The following SDK1 variants were observed in gnomAD, a reference collection of about 807,000 sequenced individuals.
The protein encoded by SDK1 is protein sidekick-1.
Under a neutral mutation model 245.5 loss-of-function variants are expected in SDK1, and 157 were observed. That is an observed-to-expected ratio of 0.64 (90% CI 0.56 to 0.73). The LOEUF (loss-of-function observed/expected upper bound fraction) is 0.73. Among genes scored for constraint, SDK1 ranks in the 30% least tolerant of loss-of-function variants. SDK1 has a pLI of 0.00. For missense variants in SDK1, 3,583 were observed against 3,002.3 expected, an observed-to-expected ratio of 1.19 and a Z score of -4.52; for synonymous variants, 1,647 against 1,278.5, an observed-to-expected ratio of 1.29 and a Z score of -6.15.
chr7:4,146,773 T>G (rs1481314067), intron 29 of SDK1, among the ~76,000 whole-genome samples: 1 of 152,230 alleles, frequency 6.6e-6, no homozygotes, highest in Non-Finnish European at 1.5e-5. Flanking sequence ...CGGAGACAGG[T>G]GCTCCATGCA....
At chr7:4,225,574 C>T (rs762279367) in intron 40 of SDK1, among the ~76,000 whole-genome samples, 38 of 152,300 alleles carry the variant, frequency 2.5e-4, no homozygotes, top group Middle Eastern at 3.4e-3. Context: ...TATGCTGCTC[C>T]GCCGGCTGCA....
intron 5 of SDK1, among the ~76,000 whole-genome samples, chr7:3,910,097 A>G (rs1400819217): frequency 6.6e-6 from 1 of 152,200 alleles, no homozygotes; most frequent in Non-Finnish European, 1.5e-5. Flanking sequence ...GGGGAAAAAG[A>G]AAAAGTCCTG....
chr7:3,786,685 T>C (rs972449579), intron 4 of SDK1, among the ~76,000 whole-genome samples: 3 of 152,208 alleles, frequency 2.0e-5, no homozygotes, highest in Non-Finnish European at 4.4e-5. Context: ...GTACGTTCTC[T>C]GGTCTTTTTC....
chr7:3,959,426 G>A (rs907161763), intron 8 of SDK1, among the ~76,000 whole-genome samples: 1 of 152,162 alleles, frequency 6.6e-6, no homozygotes, highest in Non-Finnish European at 1.5e-5. Flanking sequence ...AGGGAGATGG[G>A]TGTACATGTA....
At chr7:3,966,715 T>C (rs1193066024) in intron 9 of SDK1, among the ~76,000 whole-genome samples, 1 of 152,120 alleles carries the variant, frequency 6.6e-6, no homozygotes, top group Non-Finnish European at 1.5e-5. Flanking sequence ...AGATAAGGTC[T>C]CACTCTGTCA....
chr7:3,942,836 C>T (rs1326543890), intron 5 of SDK1, among the ~76,000 whole-genome samples: 4 of 152,172 alleles, frequency 2.6e-5, no homozygotes, highest in African/African-American at 9.7e-5. Context: ...AGCCGCTTCT[C>T]GTTGGAAATG....
chr7:3,536,498 C>T (rs1036800519), intron 1 of SDK1, among the ~76,000 whole-genome samples: 2 of 151,814 alleles, frequency 1.3e-5, no homozygotes, highest in African/African-American at 4.8e-5. Flanking sequence ...GCCAACTTGG[C>T]GAAACCCTGT....
At chr7:3,387,315 A>C (rs568038523) in intron 1 of SDK1, among the ~76,000 whole-genome samples, 4 of 152,034 alleles carry the variant, frequency 2.6e-5, no homozygotes, top group African/African-American at 9.7e-5. Flanking sequence ...CCAACCCCTG[A>C]ATTCCTTTAG....
intron 1 of SDK1, among the ~76,000 whole-genome samples, chr7:3,559,220 A>C (rs979075374): frequency 2.6e-5 from 4 of 152,186 alleles, no homozygotes; most frequent in Non-Finnish European, 4.4e-5. Flanking sequence ...TGACTGTTGC[A>C]TGGATATATA....
chr7:3,406,096 A>G (rs1779047813), intron 1 of SDK1, among the ~76,000 whole-genome samples: 1 of 152,134 alleles, frequency 6.6e-6, no homozygotes, highest in African/African-American at 2.4e-5. Context: ...TACAGGCGTG[A>G]GCCACCGCTC....
intron 23 of SDK1, among the ~76,000 whole-genome samples, 195 bp downstream of exon 23, chr7:4,110,967 A>G (rs1262927963): frequency 6.6e-6 from 1 of 152,196 alleles, no homozygotes; most frequent in East Asian, 1.9e-4. Flanking sequence ...TGATAGGCAG[A>G]TGTTAGACTC....
In SDK1 at chr7:3,301,646, T is replaced by C; in HGVS notation, c.60T>C (p.Pro20=). ...AGGGGGGAEP[P]ERAGPGRPRG... ...GCGGCGGCGGCGGCGCGGAGCCCCCTGAGCGCGCGGGCCCCGGGCGGCCGC... is the reference window on the plus strand; with the variant it reads ...GCGGCGGCGGCGGCGCGGAGCCCCCCGAGCGCGCGGGCCCCGGGCGGCCGC... The change falls in exon 1 of 45, where the codon CCT becomes CCC. Residue 20 remains proline, a synonymous_variant. Coordinates refer to ENST00000404826, the MANE Select transcript of SDK1 (RefSeq NM_152744.4). 1 of 975,186 alleles carries C rather than the reference T, an allele frequency of 1.0e-6. No individual in the cohort carries two copies. The allele number at this position is 975,186 out of a possible 1,614,324, so 60.4% of individuals were successfully genotyped here. A position where few individuals can be genotyped will look rare whatever the true frequency, so the allele number is the denominator to read the frequency against.
chr7:3,666,844 A>T (rs1052669889), intron 4 of SDK1, among the ~76,000 whole-genome samples: 4 of 152,200 alleles, frequency 2.6e-5, no homozygotes, highest in African/African-American at 7.2e-5. Context: ...GCAGGGTGGA[A>T]ACGAGGGATA....
chr7:3,868,459 A>T (rs942254411), intron 5 of SDK1, among the ~76,000 whole-genome samples: 1 of 152,216 alleles, frequency 6.6e-6, no homozygotes, highest in African/African-American at 2.4e-5. Context: ...AGCTTTACAG[A>T]CTAGGTGACA....
At chr7:3,799,989 T>A (rs897507641) in intron 4 of SDK1, among the ~76,000 whole-genome samples, 1 of 152,186 alleles carries the variant, frequency 6.6e-6, no homozygotes, top group Non-Finnish European at 1.5e-5. Flanking sequence ...CAGAACTTTG[T>A]TACTGTTTAG....
intron 4 of SDK1, among the ~76,000 whole-genome samples, chr7:3,803,602 C>T (rs766584424): frequency 7.2e-5 from 11 of 151,926 alleles, no homozygotes; most frequent in East Asian, 1.9e-4. Context: ...TGAGCCACTG[C>T]GCCTGTTACA....
intron 5 of SDK1, among the ~76,000 whole-genome samples, chr7:3,906,357 T>A (rs1466526184): frequency 6.6e-6 from 1 of 152,144 alleles, no homozygotes; most frequent in African/African-American, 2.4e-5. Flanking sequence ...AACATACTAA[T>A]CTTTACAATG....
At chr7:4,137,180 A>G (rs1169598182) in intron 28 of SDK1, among the ~76,000 whole-genome samples, 1 of 152,212 alleles carries the variant, frequency 6.6e-6, no homozygotes, top group East Asian at 1.9e-4. Flanking sequence ...CTGTAATCCC[A>G]GCTACTCAGG....
At chr7:3,688,435 G>A (rs1395384405) in intron 4 of SDK1, among the ~76,000 whole-genome samples, 2 of 152,250 alleles carry the variant, frequency 1.3e-5, no homozygotes, top group Admixed American at 1.3e-4. Flanking sequence ...AGTAATAACT[G>A]TATCTATACT....
Sources: gnomAD v4.1 joint callset for allele counts (sites outside exome capture counted in the v4.1 genomes callset) on GRCh38, gnomAD v4.1.1 for gene constraint, MANE v1.5 for transcripts, NCBI Gene and HGNC (gene_info 2026-07-23, HGNC 2026-07-21) for gene names.